TMEM59: variants seen among roughly 807,000 people sequenced by gnomAD.
The protein encoded by TMEM59 is dendritic cell factor 1.
In TMEM59, 44 loss-of-function variants were observed where a neutral mutation model predicts 42.2. That is an observed-to-expected ratio of 1.04 (90% CI 0.82 to 1.34). The LOEUF (loss-of-function observed/expected upper bound fraction) is 1.34. TMEM59 is among the 40% of genes most tolerant of loss of function. The probability of loss-of-function intolerance (pLI) is 0.00; values close to 1 mark genes in which losing one functional copy is unlikely to be tolerated. For missense variants in TMEM59, 359 were observed against 382.8 expected (o/e 0.94, Z 0.52); for synonymous variants, 148 against 145.8 (o/e 1.02, Z -0.11).
chr1:54,036,641 G>C lies in TMEM59; in HGVS notation c.785C>G (p.Ala262Gly), dbSNP rs1014722340. ...GGGAACATACTGCTCCACAGCTGTA[G>C]CAACAGTTGCACAACAAATCCAAAG... ...VLLWICCATVATAVEQYVPSE... is the reference protein window; with the variant it reads ...VLLWICCATVGTAVEQYVPSE... The change falls in exon 7 of 8, where the codon GCT (alanine) becomes GGT (glycine). Residue 262 changes from alanine to glycine, a missense_variant. Physicochemically the swap from Ala to Gly is moderately conservative, Grantham distance 60 (BLOSUM62 0). Coordinates refer to ENST00000234831, the MANE Select transcript of TMEM59 (RefSeq NM_004872.5). 6.2e-7 allele frequency: 1 copy of C among 1,608,122 alleles called. No individual in the cohort carries two copies. The highest frequency in any genetic ancestry group is 8.5e-7 in the Non-Finnish European group (1 of 1,176,930).
At chr1:54,037,983 T>G (rs1657010090) in intron 6 of TMEM59, among the ~76,000 whole-genome samples, 1 of 152,122 alleles carries the variant, frequency 6.6e-6, no homozygotes, top group South Asian at 2.1e-4. Context: ...AACAAAACAA[T>G]GACTAGATCC....
intron 1 of TMEM59, among the ~76,000 whole-genome samples, chr1:54,052,156 A>C (rs1243286151): frequency 6.6e-6 from 1 of 152,176 alleles, no homozygotes; most frequent in African/African-American, 2.4e-5. Context: ...TACATGGGAA[A>C]GGTGTGGTGG....
chr1:54,030,816 C>T lies in TMEM59; in HGVS notation c.*1334G>A, dbSNP rs1270020767. On this transcript the variant is annotated 3_prime_UTR_variant, in exon 8 of 8. Coordinates refer to ENST00000234831, the MANE Select transcript of TMEM59 (RefSeq NM_004872.5). ...CATTTGGACTCAGGAAGGCTAAAGA[C>T]TAGGCCATAGGAGGAGTGACTAACT... 6 of 152,164 alleles carry T rather than the reference C, an allele frequency of 3.9e-5. No individual in the cohort carries two copies. The highest frequency in any genetic ancestry group is 1.4e-4 in the African/African-American group (6 of 41,436). 9.4% of individuals were successfully genotyped at this position (152,164 alleles called of 1,614,324 possible).
At chr1:54,043,239 C>G in intron 4 of TMEM59, 134 bp downstream of exon 4, 4 of 794,912 alleles carry the variant, frequency 5.0e-6, no homozygotes, top group Non-Finnish European at 6.9e-6. Flanking sequence ...TAATGTAGGG[C>G]CAAATAAGTA....
chr1:54,037,655 CACTT>C (rs1195809180), intron 6 of TMEM59, among the ~76,000 whole-genome samples: 1 of 152,206 alleles, frequency 6.6e-6, no homozygotes, highest in Non-Finnish European at 1.5e-5. Flanking sequence ...CCTAATCACT[CACTT>C]GATAGTTTGC....
intron 2 of TMEM59, 133 bp downstream of exon 2, chr1:54,047,134 C>A: frequency 2.9e-6 from 2 of 680,996 alleles, no homozygotes; most frequent in Non-Finnish European, 4.7e-6. Flanking sequence ...ACTCTTAGAT[C>A]CATAATAATT....
intron 3 of TMEM59, chr1:54,043,893 C>G (rs1364498792): frequency 6.6e-6 from 1 of 152,238 alleles, no homozygotes; most frequent in Non-Finnish European, 1.5e-5. Flanking sequence ...ATCTTTAATG[C>G]TTTCATCAAG....
intron 4 of TMEM59, 50 bp downstream of exon 4, chr1:54,043,323 A>G: frequency 1.4e-6 from 2 of 1,402,398 alleles, no homozygotes; most frequent in African/African-American, 1.5e-5. Context: ...TAAGACATAT[A>G]CATTTACTGT....
chr1:54,036,845 A>G, intron 6 of TMEM59, 127 bp from the exon 7 acceptor site: 2 of 522,454 alleles, frequency 3.8e-6, no homozygotes, highest in African/African-American at 3.9e-5. Flanking sequence ...CTTTGAAACT[A>G]TTAAAAAACA....
chr1:54,032,941 A>T (rs1298419305), intron 7 of TMEM59, among the ~76,000 whole-genome samples: 15 of 144,086 alleles, frequency 1.0e-4, no homozygotes, highest in East Asian at 2.0e-4. Context: ...TTTTTTTTTT[A>T]AAGAGACGGG....
chr1:54,042,662 T>C (rs926253006), intron 4 of TMEM59, among the ~76,000 whole-genome samples: 14 of 152,164 alleles, frequency 9.2e-5, no homozygotes, highest in African/African-American at 3.1e-4. Context: ...ACTGGTAAAT[T>C]TGAGGAATTC....
intron 1 of TMEM59, among the ~76,000 whole-genome samples, chr1:54,052,592 G>A (rs1310360518): frequency 6.6e-6 from 1 of 152,062 alleles, no homozygotes; most frequent in African/African-American, 2.4e-5. Flanking sequence ...AGTAAACAAG[G>A]GTTATCAATC....
chr1:54,041,373 TG>T (rs1657131104), intron 5 of TMEM59, among the ~76,000 whole-genome samples: 1 of 152,104 alleles, frequency 6.6e-6, no homozygotes, highest in Non-Finnish European at 1.5e-5. Context: ...CCAGAATATT[TG>T]ATTAGTTCAT....
At position 54,027,479 on chromosome 1, in the gene TMEM59, G is replaced by A. The variant is rs1656635900; in HGVS notation, c.*4671C>T. On this transcript the variant is annotated 3_prime_UTR_variant, in exon 8 of 8. Transcript: ENST00000234831. ...TATCACAGGAAGAGAGTACTTAATA[G>A]TGAAATAGGGTGGGTGCAGTGGCTC... 1 of 152,102 alleles carries A rather than the reference G, an allele frequency of 6.6e-6. No homozygotes were observed. The highest frequency in any genetic ancestry group is 1.5e-5 in the Non-Finnish European group (1 of 68,016). The allele number at this position is 152,102 out of a possible 1,614,324, so 9.4% of individuals were successfully genotyped here.
rs540437963 is a variant in TMEM59, at chr1:54,048,919, T to C, written c.190-1547A>G. Among the ~76,000 whole-genome samples, 43 of 152,348 alleles carry C rather than the reference T, an allele frequency of 2.8e-4. No homozygotes were observed. In the East Asian group the frequency reaches 3.1e-3, roughly 11 times the overall value. On this transcript the variant is annotated intron_variant, in intron 1 of 7. Transcript: ENST00000234831. ...GATGAAATTGAAAGAATTTTAACAA[T>C]TGAGATAGATTTCATATCTGAGTAG...
chr1:54,049,994 C>T (rs1220618052), intron 1 of TMEM59, among the ~76,000 whole-genome samples: 2 of 151,978 alleles, frequency 1.3e-5, no homozygotes, highest in Non-Finnish European at 2.9e-5. Context: ...CTTGTTTTTT[C>T]GACCGAGATA....
In TMEM59 at chr1:54,027,847, C is replaced by T. The variant is rs1656648966; in HGVS notation, c.*4303G>A. The T allele has an allele frequency of 6.6e-6, 1 of 152,046 alleles. No individual in the cohort carries two copies. Among genetic ancestry groups the T allele is most frequent in the Admixed American group, 6.6e-5 (1 of 15,262 alleles). 9.4% of individuals were successfully genotyped at this position (152,046 alleles called of 1,614,324 possible). On this transcript the variant is annotated 3_prime_UTR_variant, in exon 8 of 8. Transcript: ENST00000234831. ...CAGAAAAGGTCTAAAAACTGTGCTCCAGAATTTAATTACCACAAGGAGTTA... is the reference window on the plus strand; with the variant it reads ...CAGAAAAGGTCTAAAAACTGTGCTCTAGAATTTAATTACCACAAGGAGTTA...
chr1:54,035,070 T>C (rs914671000), intron 7 of TMEM59, among the ~76,000 whole-genome samples: 49 of 152,336 alleles, frequency 3.2e-4, no homozygotes, highest in African/African-American at 1.1e-3. Context: ...TGAAGATACA[T>C]GAAAATACTT....
chr1:54,051,210 A>G (rs938959035), intron 1 of TMEM59, among the ~76,000 whole-genome samples: 1 of 152,190 alleles, frequency 6.6e-6, no homozygotes, highest in African/African-American at 2.4e-5. Context: ...GCCAGTTTTA[A>G]GCTGAATTCC....
Sources: allele counts gnomAD v4.1 joint callset (sites outside exome capture counted in the v4.1 genomes callset), GRCh38; gene constraint gnomAD v4.1.1; transcripts MANE v1.5; gene names NCBI Gene and HGNC (gene_info 2026-07-23, HGNC 2026-07-21).